The following NEMP2 variants were observed in gnomAD, a reference collection of about 807,000 sequenced individuals.
The protein encoded by NEMP2 is UPF0571 transmembrane protein.
In NEMP2, 53 loss-of-function variants were observed where a neutral mutation model predicts 54.2. The ratio of observed to expected loss-of-function variants is 0.98; its 90% CI spans 0.78 to 1.23. The LOEUF is 1.23. Among genes scored for constraint, NEMP2 ranks in the 50% most tolerant of loss-of-function variants. The probability of loss-of-function intolerance (pLI) is 0.00; values close to 1 mark genes in which losing one functional copy is unlikely to be tolerated. For synonymous variants in NEMP2, 197 were observed against 190.3 expected, an observed-to-expected ratio of 1.04 and a Z score of -0.29; for missense variants, 455 against 511.3, an observed-to-expected ratio of 0.89 and a Z score of 1.06.
chr2:190,567,912 G>T, the NEMP2 span, among the ~76,000 whole-genome samples: 2 of 152,174 alleles, frequency 1.3e-5, no homozygotes, highest in Non-Finnish European at 2.9e-5. The surrounding 1 kb of genome is among the most constrained non-coding windows in gnomAD (Gnocchi z 4.0). Context: ...CCCCCAAAGT[G>T]CTGGGATTAC....
chr2:190,643,597 A>G, the NEMP2 span, among the ~76,000 whole-genome samples: 1 of 152,212 alleles, frequency 6.6e-6, no homozygotes, highest in African/African-American at 2.4e-5. Context: ...TGTTGCGAGG[A>G]TCAGATGAAT....
In NEMP2 at chr2:190,531,490, C is replaced by A. The variant is rs1297146443; in HGVS notation, c.97+3069G>T. Among the ~76,000 whole-genome samples the A allele has an allele frequency of 6.6e-6, 1 of 152,190 alleles. No individual in the cohort carries two copies. Among genetic ancestry groups the A allele is most frequent in the Non-Finnish European group, 1.5e-5 (1 of 68,038 alleles). On this transcript the variant is annotated intron_variant, in intron 1 of 8. Transcript: ENST00000409150. This position sits in a 1 kb window ranked among gnomAD's most constrained non-coding sequence, Gnocchi z 4.7. ...TTCAATTAACCTGACTTCTAGAGAA[C>A]AGTATATTTCTGGATAGTTGTGCCC...
the NEMP2 span, among the ~76,000 whole-genome samples, chr2:190,430,705 T>C: frequency 6.7e-6 from 1 of 148,240 alleles, no homozygotes; most frequent in East Asian, 2.0e-4. Context: ...TGGCCCGTTC[T>C]CAATGAGCTG....
upstream of NEMP2, among the ~76,000 whole-genome samples, chr2:190,536,775 C>T (rs1482137844): frequency 6.6e-6 from 1 of 152,154 alleles, no homozygotes; most frequent in Non-Finnish European, 1.5e-5. Flanking sequence ...AATAGTAACC[C>T]CCTGCTAGAG....
At chr2:190,607,357 A>G in the NEMP2 span, among the ~76,000 whole-genome samples, 1,212 of 152,322 alleles carry the variant, frequency 8.0e-3, 15 homozygotes, top group African/African-American at 0.027. The surrounding 1 kb of genome is among the most constrained non-coding windows in gnomAD (Gnocchi z 5.2). Context: ...TAGCCCAGTA[A>G]GGCTCAACTG....
the NEMP2 span, among the ~76,000 whole-genome samples, chr2:190,426,500 CA>C: frequency 1.3e-5 from 2 of 151,986 alleles, no homozygotes; most frequent in South Asian, 4.1e-4. This position sits in a 1 kb window ranked among gnomAD's most constrained non-coding sequence, Gnocchi z 4.7. Context: ...ATTTTAAATT[CA>C]GGGGGTACAA....
upstream of NEMP2, among the ~76,000 whole-genome samples, chr2:190,535,634 T>C (rs1412484251): frequency 6.6e-6 from 1 of 152,226 alleles, no homozygotes; most frequent in Non-Finnish European, 1.5e-5. Context: ...TAGATAAGCC[T>C]CATTTTTCCT....
the NEMP2 span, among the ~76,000 whole-genome samples, chr2:190,570,143 G>A: frequency 6.6e-6 from 1 of 152,174 alleles, no homozygotes; most frequent in Non-Finnish European, 1.5e-5. This position sits in a 1 kb window ranked among gnomAD's most constrained non-coding sequence, Gnocchi z 5.4. Context: ...AAAAGGTTGG[G>A]AAGCACTGCC....
At chr2:190,424,235 CT>C in the NEMP2 span, among the ~76,000 whole-genome samples, 69,542 of 143,018 alleles carry the variant, frequency 0.49, 16,800 homozygotes, top group African/African-American at 0.61. This position sits in a 1 kb window ranked among gnomAD's most constrained non-coding sequence, Gnocchi z 5.9. Context: ...TTTTCTTCTT[CT>C]TTTTTTTTTT....
In NEMP2 at chr2:190,516,342, A is replaced by C; in HGVS notation, c.655T>G (p.Ser219Ala). ...ATCAACTGGCATACAATATAAACTG[A>C]GGCAAACCAACAACCAACCATTAGA... ...WALMVGCWFA[S>A]VYIVCQLMED... The change falls in exon 6 of 9, where the codon TCA (serine) becomes GCA (alanine). Residue 219 changes from serine (S) to alanine (A), a missense_variant. By Grantham distance (99) the Ser-to-Ala change is moderately conservative (BLOSUM62 1). This residue lies in a region of NEMP2 where 294 missense variants were observed against 333.6 expected (regional missense o/e 0.88). Transcript: ENST00000409150. 3 of 1,551,652 alleles carry C rather than the reference A, an allele frequency of 1.9e-6. No homozygotes were observed. Among genetic ancestry groups the C allele is most frequent in the Non-Finnish European group, 2.6e-6 (3 of 1,146,948 alleles).
rs1035641922 is a variant in NEMP2, at chr2:190,533,179, C to G, written c.97+1380G>C. 2.0e-5 allele frequency among the ~76,000 whole-genome samples: 3 copies of G among 152,126 alleles called. No individual in the cohort carries two copies. The highest frequency in any genetic ancestry group is 2.9e-5 in the Non-Finnish European group (2 of 68,024). On this transcript the variant is annotated intron_variant, in intron 1 of 8. Coordinates refer to ENST00000409150, the MANE Select transcript of NEMP2 (RefSeq NM_001142645.2). This position sits in a 1 kb window ranked among gnomAD's most constrained non-coding sequence, Gnocchi z 4.3. ...GTCCATAAAGACTCTGTGCCTGGAC[C>G]AAGGTTATACCACAAGTTGTGGCTG...
the NEMP2 span, among the ~76,000 whole-genome samples, chr2:190,568,428 A>C: frequency 6.6e-6 from 1 of 152,176 alleles, no homozygotes; most frequent in Non-Finnish European, 1.5e-5. This position sits in a 1 kb window ranked among gnomAD's most constrained non-coding sequence, Gnocchi z 4.7. Context: ...ATAATAATCA[A>C]CTCCTGGGAA....
At chr2:190,467,981 T>C in the NEMP2 span, among the ~76,000 whole-genome samples, 7 of 152,230 alleles carry the variant, frequency 4.6e-5, no homozygotes, top group African/African-American at 1.7e-4. This position sits in a 1 kb window ranked among gnomAD's most constrained non-coding sequence, Gnocchi z 5.5. Flanking sequence ...AAGTGTTTGC[T>C]GACCCCTGAG....
the NEMP2 span, among the ~76,000 whole-genome samples, chr2:190,635,325 T>C: frequency 6.6e-6 from 1 of 152,242 alleles, no homozygotes; most frequent in Non-Finnish European, 1.5e-5. The surrounding 1 kb of genome is among the most constrained non-coding windows in gnomAD (Gnocchi z 4.1). Flanking sequence ...CAAGGAATCC[T>C]CCCACCTCAG....
Position 190,522,600 on chromosome 2 carries a change from G to T in NEMP2, c.213+2663C>A, listed in dbSNP as rs994636893. Among the ~76,000 whole-genome samples the T allele has an allele frequency of 3.9e-5, 6 of 152,088 alleles. No homozygotes were observed. The highest frequency in any genetic ancestry group is 7.4e-5 in the Non-Finnish European group (5 of 68,014). On this transcript the variant is annotated intron_variant, in intron 2 of 8. Coordinates refer to ENST00000409150, the MANE Select transcript of NEMP2 (RefSeq NM_001142645.2). This position sits in a 1 kb window ranked among gnomAD's most constrained non-coding sequence, Gnocchi z 5.0. ...ATGCCAGGAAGCAGGGGTTGGACATGCCCCATTATGCCCTCCTCCCTTTTG... is the reference window on the plus strand; with the variant it reads ...ATGCCAGGAAGCAGGGGTTGGACATTCCCCATTATGCCCTCCTCCCTTTTG...
chr2:190,502,552 G>A (rs1690072597), downstream of NEMP2, among the ~76,000 whole-genome samples: 1 of 152,196 alleles, frequency 6.6e-6, no homozygotes, highest in Admixed American at 6.5e-5. The surrounding 1 kb of genome is among the most constrained non-coding windows in gnomAD (Gnocchi z 4.4). Context: ...TGTCCAGCAG[G>A]CAGTAAACCT....
At chr2:190,631,518 T>G in the NEMP2 span, among the ~76,000 whole-genome samples, 1 of 152,198 alleles carries the variant, frequency 6.6e-6, no homozygotes, top group African/African-American at 2.4e-5. Flanking sequence ...CCAAAGAGCA[T>G]ATGTTATATT....
At chr2:190,616,974 A>G in the NEMP2 span, 1 of 152,028 alleles carries the variant, frequency 6.6e-6, no homozygotes. This position sits in a 1 kb window ranked among gnomAD's most constrained non-coding sequence, Gnocchi z 5.1. Flanking sequence ...TAAAAGGAAA[A>G]AAAAGGCAGG....
Position 190,513,097 on chromosome 2 carries a change from G to T in NEMP2, c.953+1356C>A, listed in dbSNP as rs1574293008. Among the ~76,000 whole-genome samples the T allele has an allele frequency of 2.6e-5, 4 of 152,256 alleles. No individual in the cohort carries two copies. Among genetic ancestry groups the T allele is most frequent in the African/African-American group, 9.6e-5 (4 of 41,540 alleles). ...TCTGATAACTGTTCTCCTGCCACAG[G>T]GGCCTCCCCTTTATATCCACCTGCT... On this transcript the variant is annotated intron_variant, in intron 7 of 8. Transcript: ENST00000409150. The surrounding 1 kb of genome is among the most constrained non-coding windows in gnomAD (Gnocchi z 5.3).
Sources: gnomAD v4.1 joint callset for allele counts (sites outside exome capture counted in the v4.1 genomes callset) on GRCh38, gnomAD v4.1.1 for gene constraint, gnomAD v4.1.1 regional missense constraint, Gnocchi (gnomAD v3.1) non-coding constraint, MANE v1.5 for transcripts, NCBI Gene and HGNC (gene_info 2026-07-23, HGNC 2026-07-21) for gene names.